JHY: variants seen among roughly 807,000 people sequenced by gnomAD.
The protein encoded by JHY is junctional cadherin complex regulator.
A neutral mutation model predicts 78.0 loss-of-function variants in JHY; 69 were observed. That is an observed-to-expected ratio of 0.88 (90% CI 0.73 to 1.08). JHY has a LOEUF of 1.08. JHY is among the 50% of genes least tolerant of loss of function. The pLI, the probability that JHY is intolerant of heterozygous loss-of-function variation, is 0.00. For synonymous variants in JHY, 368 were observed against 342.6 expected (o/e 1.07, Z -0.82); for missense variants, 944 against 927.8 (o/e 1.02, Z -0.23).
chr11:122,932,376 G>T (rs1032887426), intron 4 of JHY, among the ~76,000 whole-genome samples: 54 of 152,294 alleles, frequency 3.5e-4, no homozygotes, highest in African/African-American at 1.2e-3. Context: ...TGGCCTTGTT[G>T]TCAGAGCGCC....
rs766433070 is a variant in JHY, at chr11:122,935,524, C to T, written c.1634+449C>T. On this transcript the variant is annotated intron_variant, in intron 5 of 8. Coordinates refer to ENST00000227349, the MANE Select transcript of JHY (RefSeq NM_024806.4). This position sits in a 1 kb window ranked among gnomAD's most constrained non-coding sequence, Gnocchi z 4.5. ...TGCTGAGATTACAGGTGTGAGCCACCGCACCCGGCCAAGAGTCTACTTTTG... is the reference window on the plus strand; with the variant it reads ...TGCTGAGATTACAGGTGTGAGCCACTGCACCCGGCCAAGAGTCTACTTTTG... Among the ~76,000 whole-genome samples the T allele has an allele frequency of 9.9e-5, 15 of 152,214 alleles. No individual in the cohort carries two copies. Among genetic ancestry groups the T allele is most frequent in the African/African-American group, 4.8e-5 (2 of 41,542 alleles).
At position 122,882,889 on chromosome 11, in the gene JHY, G is replaced by C. The variant is rs1181697347; in HGVS notation, c.-173G>C. The C allele has an allele frequency of 6.6e-6, 1 of 152,290 alleles. No individual in the cohort carries two copies. The highest frequency in any genetic ancestry group is 1.5e-5 in the Non-Finnish European group (1 of 67,998). The allele number at this position is 152,290 out of a possible 1,614,324, so 9.4% of individuals were successfully genotyped here. The stretch of plus-strand genomic sequence containing the variant: ...GCGGTCTCCAGGGCAGCGCCGGGGC[G>C]GGCGGGGGCCCGGGCGGCGGCGGCG... On this transcript the variant is annotated 5_prime_UTR_variant, in exon 1 of 9. Transcript: ENST00000227349.
chr11:122,952,008 A>G (rs75870708), intron 6 of JHY, among the ~76,000 whole-genome samples: 1 of 130,022 alleles, frequency 7.7e-6, no homozygotes, highest in Non-Finnish European at 1.6e-5. Flanking sequence ...TTTTTTTTTT[A>G]GTATTGTGTT....
chr11:122,937,707 G>A (rs2135360282), intron 5 of JHY, among the ~76,000 whole-genome samples: 1 of 152,112 alleles, frequency 6.6e-6, no homozygotes, highest in East Asian at 1.9e-4. Flanking sequence ...GAATCTCCAT[G>A]CCCTCATGGA....
chr11:122,941,707 C>A (rs1863877449), intron 5 of JHY, among the ~76,000 whole-genome samples: 2 of 151,976 alleles, frequency 1.3e-5, no homozygotes, highest in African/African-American at 2.4e-5. Flanking sequence ...TTCTTTTCTT[C>A]TCATTGATTT....
chr11:122,914,214 T>C (rs1023668919), intron 3 of JHY, among the ~76,000 whole-genome samples: 1 of 152,190 alleles, frequency 6.6e-6, no homozygotes, highest in Non-Finnish European at 1.5e-5. Flanking sequence ...TTATTGAATG[T>C]TTGGTTTAAA....
intron 6 of JHY, among the ~76,000 whole-genome samples, chr11:122,951,178 A>G (rs541268782): frequency 1.3e-5 from 2 of 152,348 alleles, no homozygotes; most frequent in East Asian, 3.9e-4. Flanking sequence ...TGTAAAGATA[A>G]TAGGCCCAAG....
intron 5 of JHY, among the ~76,000 whole-genome samples, chr11:122,944,238 G>A (rs1863923667): frequency 6.6e-6 from 1 of 152,220 alleles, no homozygotes. Context: ...ATTTATTGTG[G>A]CACTGATACC....
In JHY at chr11:122,947,954, G is replaced by A. The variant is rs577544886; in HGVS notation, c.1929+1162G>A. On this transcript the variant is annotated intron_variant, in intron 6 of 8. Coordinates refer to ENST00000227349, the MANE Select transcript of JHY (RefSeq NM_024806.4). ...CCATTGGATAGTGACTGCCCCTGGG[G>A]AAGGGTGGTCACTTTGTGCACAGCA... Among the ~76,000 whole-genome samples, 7 of 152,274 alleles carry A rather than the reference G, an allele frequency of 4.6e-5. No homozygotes were observed. The South Asian group carries it at 1.2e-3, about 27-fold the overall frequency.
rs1047953270 is a variant in JHY, at chr11:122,963,846, A to T, written c.*4401A>T. 3.9e-5 allele frequency among the ~76,000 whole-genome samples: 6 copies of T among 152,206 alleles called. No individual in the cohort carries two copies. The highest frequency in any genetic ancestry group is 6.5e-5 in the Admixed American group (1 of 15,272). On this transcript the variant is annotated 3_prime_UTR_variant, in exon 9 of 9. Coordinates refer to ENST00000227349, the MANE Select transcript of JHY (RefSeq NM_024806.4). ...CTAATGTCTATAAACTGGTGCAAAT[A>T]AAAGACATTTAAACCATGTATTCTC...
chr11:122,901,275 T>G (rs1862852682), intron 2 of JHY, among the ~76,000 whole-genome samples: 1 of 152,236 alleles, frequency 6.6e-6, no homozygotes, highest in African/African-American at 2.4e-5. Context: ...GTTGTAGGAC[T>G]GTACATTTCT....
At chr11:122,919,130 T>C (rs1348001229) in intron 3 of JHY, among the ~76,000 whole-genome samples, 1 of 151,462 alleles carries the variant, frequency 6.6e-6, no homozygotes, top group Admixed American at 6.6e-5. Context: ...AGGTGGCGGA[T>C]CACTTGAGGT....
At chr11:122,909,210 T>C (rs964230815) in intron 3 of JHY, among the ~76,000 whole-genome samples, 8 of 152,206 alleles carry the variant, frequency 5.3e-5, no homozygotes, top group Non-Finnish European at 1.2e-4. Context: ...TCAAAATTCT[T>C]TAAGTTTAAT....
chr11:122,933,792 T>G (rs1863684882), intron 4 of JHY, among the ~76,000 whole-genome samples: 1 of 152,246 alleles, frequency 6.6e-6, no homozygotes, highest in Non-Finnish European at 1.5e-5. Flanking sequence ...GATTTGTACT[T>G]GGTTTGTAAA....
intron 2 of JHY, among the ~76,000 whole-genome samples, chr11:122,895,159 CTT>C (rs1862713183): frequency 6.6e-6 from 1 of 152,134 alleles, no homozygotes; most frequent in Non-Finnish European, 1.5e-5. Flanking sequence ...GCATTAAAAA[CTT>C]TACACTTAAA....
chr11:122,884,245 G>A (rs1862446460), intron 1 of JHY, among the ~76,000 whole-genome samples: 1 of 152,118 alleles, frequency 6.6e-6, no homozygotes, highest in Admixed American at 6.5e-5. Flanking sequence ...GTTTGTTAAG[G>A]TGCTTTCCTC....
At position 122,960,797 on chromosome 11, in the gene JHY, G is replaced by T. The variant is rs547833070; in HGVS notation, c.*1352G>T. On this transcript the variant is annotated 3_prime_UTR_variant, in exon 9 of 9. Transcript: ENST00000227349. ...AGGATGCAATTGATTTGGAGAAGTC[G>T]CAGCGCTCACTGGTTCAGAAGCGCC... The T allele has an allele frequency of 1.7e-5, 9 of 541,570 alleles. No individual in the cohort carries two copies. The highest frequency in any genetic ancestry group is 1.3e-4 in the Admixed American group (6 of 44,648). The allele number at this position is 541,570 out of a possible 1,614,324, so 33.5% of individuals were successfully genotyped here.
Position 122,959,421 on chromosome 11 carries a change from T to C in JHY, c.2313T>C (p.Ala771=). ...AAAGGGAAAAACAGGCTGTGGCTGC[T>C]TTCAAAGTCCTTCACATCGTATAGA... ...RHEREKQAVA[A]FKVLHIV The change falls in exon 9 of 9, where the codon GCT becomes GCC. Residue 771 remains alanine, a synonymous_variant. Coordinates refer to ENST00000227349, the MANE Select transcript of JHY (RefSeq NM_024806.4). The C allele has an allele frequency of 6.2e-7, 1 of 1,614,116 alleles. No individual in the cohort carries two copies. Among genetic ancestry groups the C allele is most frequent in the Non-Finnish European group, 8.5e-7 (1 of 1,179,988 alleles).
At chr11:122,921,210 G>A (rs150721054) in intron 3 of JHY, among the ~76,000 whole-genome samples, 59 of 152,308 alleles carry the variant, frequency 3.9e-4, no homozygotes, top group South Asian at 1.0e-3. Flanking sequence ...AATAGGAAGC[G>A]TGGGACACTG....
Sources: gnomAD v4.1 joint callset for allele counts (sites outside exome capture counted in the v4.1 genomes callset) on GRCh38, gnomAD v4.1.1 for gene constraint, Gnocchi (gnomAD v3.1) non-coding constraint, MANE v1.5 for transcripts, NCBI Gene and HGNC (gene_info 2026-07-23, HGNC 2026-07-21) for gene names.